Variants in PDK3 observed in about 807,000 individuals in gnomAD.
PDK3 encodes the protein pyruvate dehydrogenase kinase 3, also known as pyruvate dehydrogenase kinase, isozyme 3.
PDK3 carries 12 observed loss-of-function variants against 32.0 expected under a neutral mutation model. The ratio of observed to expected loss-of-function variants is 0.37; its 90% confidence interval spans 0.24 to 0.61. The LOEUF (loss-of-function observed/expected upper bound fraction) is 0.61, where lower values mean the gene tolerates loss of function less well. Ranked by LOEUF, PDK3 falls within the 20% of genes least tolerant of loss-of-function variation. The probability of loss-of-function intolerance (pLI) is 0.65; values close to 1 mark genes in which losing one functional copy is unlikely to be tolerated. For missense variants in PDK3, 188 were observed against 316.9 expected (o/e 0.59, Z 3.09); for synonymous variants, 122 against 116.3 (o/e 1.05, Z -0.31).
At chrX:24,486,244 A>G (rs1309674936) in intron 1 of PDK3, among the ~76,000 whole-genome samples, 1 of 111,207 alleles carries the variant, frequency 9.0e-6, no homozygotes. Context: ...GAAGTGGTGG[A>G]AGGATCCAAC....
intron 1 of PDK3, among the ~76,000 whole-genome samples, chrX:24,468,174 A>G (rs186917303): frequency 3.7e-4 from 41 of 112,274 alleles, no homozygotes; most frequent in African/African-American, 1.1e-3. Context: ...ACATCAGTAA[A>G]TAAGGAGATT....
At chrX:24,474,602 C>CG (rs1327088135) in intron 1 of PDK3, among the ~76,000 whole-genome samples, 2 of 109,028 alleles carry the variant, frequency 1.8e-5, no homozygotes, top group East Asian at 2.9e-4. Flanking sequence ...TTAGCAGAGA[C>CG]GGGGTTTCAC....
At chrX:24,496,625 A>G (rs1488842666) in intron 2 of PDK3, among the ~76,000 whole-genome samples, 1 of 76,233 alleles carries the variant, frequency 1.3e-5, no homozygotes, top group Non-Finnish European at 2.4e-5. Flanking sequence ...AATCCACTTC[A>G]GGATCATGCA....
chrX:24,543,748 C>T (rs1424947262), exon 12 of PDK3, among the ~76,000 whole-genome samples: 1 of 111,929 alleles, frequency 8.9e-6, no homozygotes, highest in South Asian at 3.7e-4. Context: ...CGCGCCCAGC[C>T]TAGTTTCATT....
intron 2 of PDK3, among the ~76,000 whole-genome samples, chrX:24,498,258 C>T (rs1381118024): frequency 9.0e-6 from 1 of 111,558 alleles, no homozygotes; most frequent in Admixed American, 9.5e-5. Context: ...GCAACCGAAC[C>T]TGGCTCATGT....
chrX:24,502,554 T>C (rs748992277), intron 3 of PDK3, among the ~76,000 whole-genome samples: 38 of 112,115 alleles, frequency 3.4e-4, no homozygotes, highest in African/African-American at 1.2e-3. Flanking sequence ...ATTTTACTGC[T>C]GCGAGATATT....
At chrX:24,544,241 G>T (rs1922948420) in exon 12 of PDK3, among the ~76,000 whole-genome samples, 1 of 110,898 alleles carries the variant, frequency 9.0e-6, no homozygotes, top group South Asian at 3.8e-4. Context: ...CTGCCCTGGG[G>T]GTGGCCGGGT....
At chrX:24,544,509 CAG>C (rs1362080920) in exon 12 of PDK3, among the ~76,000 whole-genome samples, 1 of 112,087 alleles carries the variant, frequency 8.9e-6, no homozygotes, top group African/African-American at 3.2e-5. Context: ...CATGCACGCG[CAG>C]AGTGTGCCCA....
In PDK3 at chrX:24,494,088, C is replaced by T. The variant is rs746523525; in HGVS notation, c.107-654C>T. Among the ~76,000 whole-genome samples the T allele has an allele frequency of 2.7e-5, 3 of 112,411 alleles. No individual in the cohort carries two copies. In the South Asian group the frequency reaches 1.1e-3, roughly 41 times the overall value. On this transcript the variant is annotated intron_variant, in intron 1 of 10. Coordinates refer to ENST00000379162, the MANE Select transcript of PDK3 (RefSeq NM_005391.5). ...ACTGACCTCCTTCCTTATGGTCAAC[C>T]CACATCTTACCCTCTCCGATGTGGC...
At chrX:24,476,204 T>A (rs1272687382) in intron 1 of PDK3, among the ~76,000 whole-genome samples, 3 of 110,916 alleles carry the variant, frequency 2.7e-5, no homozygotes, top group Non-Finnish European at 5.7e-5. Context: ...TAATAGACTG[T>A]TTTTTAAAAA....
At chrX:24,526,130 C>T in intron 6 of PDK3, 68 bp from the exon 7 acceptor site, 1 of 795,768 alleles carries the variant, frequency 1.3e-6, no homozygotes, top group Non-Finnish European at 1.9e-6. Flanking sequence ...AAATAGAATG[C>T]AAACATCATT....
At chrX:24,490,376 A>G (rs757231372) in intron 1 of PDK3, among the ~76,000 whole-genome samples, 23 of 111,025 alleles carry the variant, frequency 2.1e-4, no homozygotes, top group Middle Eastern at 4.6e-3. Context: ...GTGTAAAGAA[A>G]CTTACCCCTG....
intron 3 of PDK3, 132 bp downstream of exon 3, chrX:24,499,032 A>T (rs1035848311): frequency 1.4e-5 from 5 of 345,042 alleles, no homozygotes; most frequent in Non-Finnish European, 2.4e-5. Context: ...ATGAGTAGTG[A>T]CTCAACATTG....
chrX:24,536,368 G>GC (rs1259921242), downstream of PDK3, among the ~76,000 whole-genome samples: 1 of 107,255 alleles, frequency 9.3e-6, no homozygotes, highest in African/African-American at 3.4e-5. Flanking sequence ...ATAAAAGAAT[G>GC]TTTTTTTTTT....
intron 1 of PDK3, among the ~76,000 whole-genome samples, chrX:24,468,414 G>A (rs1424172521): frequency 8.9e-6 from 1 of 111,874 alleles, no homozygotes; most frequent in Non-Finnish European, 1.9e-5. Flanking sequence ...CATGTCTCCA[G>A]TCATTGCCAA....
intron 1 of PDK3, 118 bp from the exon 2 acceptor site, chrX:24,494,624 A>G (rs1921655957): frequency 7.3e-6 from 3 of 408,757 alleles, no homozygotes; most frequent in South Asian, 1.2e-4. Flanking sequence ...TCAACTAGAG[A>G]CTGCAGGATT....
At chrX:24,532,635 C>G (rs900624201) in intron 10 of PDK3, among the ~76,000 whole-genome samples, 1 of 111,741 alleles carries the variant, frequency 8.9e-6, no homozygotes, top group Non-Finnish European at 1.9e-5. Flanking sequence ...GAAGTCTCTC[C>G]TCCCACTGGC....
At chrX:24,515,307 A>G (rs1000588796) in intron 5 of PDK3, among the ~76,000 whole-genome samples, 1 of 112,033 alleles carries the variant, frequency 8.9e-6, no homozygotes, top group Non-Finnish European at 1.9e-5. Flanking sequence ...ACGTGGTTTT[A>G]GGAGCTGTAC....
At position 24,465,417 on chromosome X, in the gene PDK3, C is replaced by T. The variant is rs1450891468; in HGVS notation, c.-39C>T. On this transcript the variant is annotated 5_prime_UTR_variant, in exon 1 of 11. Coordinates refer to ENST00000379162, the MANE Select transcript of PDK3 (RefSeq NM_005391.5). ...TGGCTGCGCCAGCCCTTGCGGCCAC[C>T]CGGGCGTCTAGGCGGGTCTGTGCGC... 1 of 1,057,307 alleles carries T rather than the reference C, an allele frequency of 9.5e-7. No homozygotes were observed. The highest frequency in any genetic ancestry group is 1.3e-6 in the Non-Finnish European group (1 of 769,215). 87.1% of individuals were successfully genotyped at this position (1,057,307 alleles called of 1,213,427 possible).
Sources: allele counts gnomAD v4.1 joint callset (sites outside exome capture counted in the v4.1 genomes callset), GRCh38; gene constraint gnomAD v4.1.1; transcripts MANE v1.5; gene names NCBI Gene and HGNC (gene_info 2026-07-23, HGNC 2026-07-21).